The following MIER1 variants were observed in gnomAD, a reference collection of about 807,000 sequenced individuals.
MIER1 encodes the protein mesoderm induction early response protein 1.
A neutral mutation model predicts 75.7 loss-of-function variants in MIER1; 40 were observed. The observed-to-expected ratio is 0.53, with a 90% CI of 0.41 to 0.69. The LOEUF is 0.69. Among genes scored for constraint, MIER1 ranks in the 30% least tolerant of loss-of-function variants. MIER1 has a pLI of 0.00. For missense variants in MIER1, 574 were observed against 680.2 expected, an observed-to-expected ratio of 0.84 and a Z score of 1.74; for synonymous variants, 213 against 223.4, an observed-to-expected ratio of 0.95 and a Z score of 0.42.
At chr1:66,941,213 C>T (rs1656127519) in intron 3 of MIER1, among the ~76,000 whole-genome samples, 3 of 152,164 alleles carry the variant, frequency 2.0e-5, no homozygotes, top group African/African-American at 4.8e-5. Flanking sequence ...GCTCAGCTGA[C>T]GTTGATTTTG....
At chr1:66,974,114 G>T (rs1664221509) in intron 11 of MIER1, among the ~76,000 whole-genome samples, 1 of 150,790 alleles carries the variant, frequency 6.6e-6, no homozygotes. Context: ...TTTTTTAAGT[G>T]GGAACTGGGC....
chr1:66,927,486 A>C (rs912006998), intron 2 of MIER1, among the ~76,000 whole-genome samples: 2 of 152,142 alleles, frequency 1.3e-5, no homozygotes, highest in African/African-American at 2.4e-5. Flanking sequence ...GCATTTTCTT[A>C]TGCCTTTAGC....
At chr1:66,942,632 T>C (rs1570186548) in intron 3 of MIER1, among the ~76,000 whole-genome samples, 1 of 151,970 alleles carries the variant, frequency 6.6e-6, no homozygotes, top group African/African-American at 2.4e-5. Context: ...TAATGGTGGG[T>C]CTAGCTATTG....
intron 4 of MIER1, 114 bp downstream of exon 4, chr1:66,946,409 T>C: frequency 7.1e-7 from 1 of 1,404,296 alleles, no homozygotes; most frequent in African/African-American, 1.5e-5. Context: ...TATTAATGAC[T>C]GAAAAATTTT....
intron 10 of MIER1, 134 bp from the exon 11 acceptor site, chr1:66,972,763 A>T: frequency 1.8e-6 from 1 of 544,160 alleles, no homozygotes; most frequent in Non-Finnish European, 3.3e-6. Flanking sequence ...ATCTTTTGCA[A>T]CAATTAGTAA....
At chr1:66,983,133 T>G (rs546213452) in intron 13 of MIER1, among the ~76,000 whole-genome samples, 120 of 152,184 alleles carry the variant, frequency 7.9e-4, no homozygotes, top group Non-Finnish European at 1.4e-3. Context: ...CACTCAACAT[T>G]ACGTACAGTC....
intron 6 of MIER1, 91 bp downstream of exon 6, chr1:66,959,074 C>T (rs1660726119): frequency 1.9e-6 from 2 of 1,057,628 alleles, no homozygotes; most frequent in Non-Finnish European, 2.8e-6. Flanking sequence ...TCTTTGAATT[C>T]ATTTAGTCTG....
Position 66,950,090 on chromosome 1 carries a change from A to C in MIER1, c.339+3795A>C, listed in dbSNP as rs566647217. Among the ~76,000 whole-genome samples the C allele has an allele frequency of 2.0e-5, 3 of 152,328 alleles. 1 individual carries two copies. In the South Asian group the frequency reaches 6.2e-4, roughly 32 times the overall value. On this transcript the variant is annotated intron_variant, in intron 4 of 13. Transcript: ENST00000401041. ...GAGGGAATGTCAGAATCATTCTCATAGTAAATAAATAGACTTTTGTTTTGT... is the reference window on the plus strand; with the variant it reads ...GAGGGAATGTCAGAATCATTCTCATCGTAAATAAATAGACTTTTGTTTTGT...
At chr1:66,981,015 C>T (rs1323423293) in intron 12 of MIER1, among the ~76,000 whole-genome samples, 7 of 152,194 alleles carry the variant, frequency 4.6e-5, no homozygotes, top group African/African-American at 1.7e-4. Flanking sequence ...GACTTTTATT[C>T]TAGTGGTTTA....
At chr1:66,973,023 G>T (rs769644345) in intron 11 of MIER1, 32 bp downstream of exon 11, 2 of 1,228,156 alleles carry the variant, frequency 1.6e-6, no homozygotes, top group South Asian at 1.2e-5. Context: ...TTTGCAAAAA[G>T]AAATTTAGTT....
Position 66,984,847 on chromosome 1 carries a change from C to G in MIER1, c.1645C>G (p.Gln549Glu). The G allele has an allele frequency of 6.2e-7, 1 of 1,609,130 alleles. No individual in the cohort carries two copies. The highest frequency in any genetic ancestry group is 1.1e-5 in the South Asian group (1 of 89,630). ...KESPGSSEFFQEAVSHGKFEE... is the reference protein window; with the variant it reads ...KESPGSSEFFEEAVSHGKFEE... ...AAGTCCAGGTTCTTCTGAATTTTTC[C>G]AAGAAGCAGTCTCACATGGGAAATT... Residue 549 changes from glutamine to glutamate, a missense_variant, in exon 14 of 14, where the codon CAA becomes GAA. Transcript: ENST00000401041.
Position 66,986,487 on chromosome 1 carries a change from T to A in MIER1, c.*1587T>A, listed in dbSNP as rs919645746. On this transcript the variant is annotated 3_prime_UTR_variant, in exon 14 of 14. Transcript: ENST00000401041. ...TTTTTAAAATAAAGCTTCTGTGGTC[T>A]TGTTTTTAATGGCTCAACTGTCTGA... is the stretch of plus-strand genomic sequence containing the variant. 1 of 1,558,552 alleles carries A rather than the reference T, an allele frequency of 6.4e-7. No individual in the cohort carries two copies. Among genetic ancestry groups the A allele is most frequent in the African/African-American group, 1.4e-5 (1 of 69,250 alleles).
chr1:66,943,843 A>C (rs961114151), intron 3 of MIER1, among the ~76,000 whole-genome samples: 1 of 152,232 alleles, frequency 6.6e-6, no homozygotes, highest in Non-Finnish European at 1.5e-5. Flanking sequence ...TTGAGGCAGT[A>C]TACTAAAATA....
chr1:66,934,898 C>G (rs1654391250), intron 2 of MIER1, among the ~76,000 whole-genome samples: 1 of 152,036 alleles, frequency 6.6e-6, no homozygotes, highest in Admixed American at 6.5e-5. Context: ...AAGTAGGACC[C>G]CTCTTTCCAG....
intron 8 of MIER1, among the ~76,000 whole-genome samples, chr1:66,968,853 G>A (rs143068987): frequency 2.0e-5 from 3 of 152,258 alleles, no homozygotes; most frequent in East Asian, 1.9e-4. Context: ...TAAGTAGGTC[G>A]ATCCTTGCCC....
intron 8 of MIER1, among the ~76,000 whole-genome samples, chr1:66,967,195 T>G (rs185273371): frequency 2.6e-5 from 4 of 152,296 alleles, no homozygotes; most frequent in Non-Finnish European, 5.9e-5. Flanking sequence ...TGACAAGATA[T>G]AGGGGTCTAG....
At chr1:66,934,552 G>T (rs937766458) in intron 2 of MIER1, among the ~76,000 whole-genome samples, 1 of 148,506 alleles carries the variant, frequency 6.7e-6, no homozygotes, top group Non-Finnish European at 1.5e-5. Context: ...GGGACTATAG[G>T]CATGTGCCAT....
At position 66,978,203 on chromosome 1, in the gene MIER1, A is replaced by AG. The variant is rs1192820922; in HGVS notation, c.1229+1481_1229+1482insG. On this transcript the variant is annotated intron_variant, in intron 12 of 13. Coordinates refer to ENST00000401041, the MANE Select transcript of MIER1 (RefSeq NM_001077700.3). ...AGAGCGAAACTCCATCTCCAAAAAAAAAAAAAAAAGATGTGCTTGTATGTT... is the reference window on the plus strand; with the variant it reads ...AGAGCGAAACTCCATCTCCAAAAAAAGAAAAAAAAAGATGTGCTTGTATGTT... Among the ~76,000 whole-genome samples the AG allele has an allele frequency of 6.5e-3, 958 of 147,518 alleles. 11 individuals are homozygous for AG. Among genetic ancestry groups the AG allele is most frequent in the African/African-American group, 0.022 (893 of 40,772 alleles).
At chr1:66,930,597 G>A (rs978778918) in intron 2 of MIER1, among the ~76,000 whole-genome samples, 2 of 152,020 alleles carry the variant, frequency 1.3e-5, no homozygotes, top group Non-Finnish European at 2.9e-5. Flanking sequence ...GTAGGAGGAA[G>A]CGGAGGCGTA....
Sources: gnomAD v4.1 joint callset for allele counts (sites outside exome capture counted in the v4.1 genomes callset) on GRCh38, gnomAD v4.1.1 for gene constraint, MANE v1.5 for transcripts, NCBI Gene and HGNC (gene_info 2026-07-23, HGNC 2026-07-21) for gene names.